LRRC4C: variants seen among roughly 807,000 people sequenced by gnomAD.
The protein encoded by LRRC4C is leucine rich repeat containing 4C.
LRRC4C carries 5 observed loss-of-function variants against 33.6 expected under a neutral mutation model. The ratio of observed to expected loss-of-function variants is 0.15; its 90% CI spans 0.08 to 0.31. LRRC4C has a LOEUF of 0.31. Ranked by LOEUF, LRRC4C falls within the 10% of genes least tolerant of loss-of-function variation. The pLI, the probability that LRRC4C is intolerant of heterozygous loss-of-function variation, is 1.00. For missense variants in LRRC4C, 560 were observed against 796.7 expected, an observed-to-expected ratio of 0.70 and a Z score of 3.58; for synonymous variants, 329 against 302.0, an observed-to-expected ratio of 1.09 and a Z score of -0.93.
At chr11:40,936,253 T>C (rs1957892219) in intron 1 of LRRC4C, among the ~76,000 whole-genome samples, 1 of 149,900 alleles carries the variant, frequency 6.7e-6, no homozygotes, top group African/African-American at 2.4e-5. Context: ...AGATAATTTA[T>C]GTTCACCTGA....
intron 1 of LRRC4C, among the ~76,000 whole-genome samples, chr11:41,448,714 A>G (rs1001887409): frequency 3.3e-5 from 5 of 152,138 alleles, no homozygotes; most frequent in Non-Finnish European, 1.5e-5. Flanking sequence ...GACTTAGAAG[A>G]CAACATTTCA....
At chr11:40,605,762 G>A (rs1960514541) in intron 3 of LRRC4C, among the ~76,000 whole-genome samples, 1 of 152,182 alleles carries the variant, frequency 6.6e-6, no homozygotes, top group South Asian at 2.1e-4. Context: ...AAAAGCAATA[G>A]TTTGAACTAA....
chr11:40,300,427 T>C (rs1590240284), intron 4 of LRRC4C, among the ~76,000 whole-genome samples: 2 of 152,164 alleles, frequency 1.3e-5, no homozygotes, highest in African/African-American at 4.8e-5. Context: ...GAAAAAATAA[T>C]TTGTTACCCA....
intron 4 of LRRC4C, among the ~76,000 whole-genome samples, chr11:40,248,536 T>C (rs1311740792): frequency 6.6e-6 from 1 of 151,948 alleles, no homozygotes; most frequent in African/African-American, 2.4e-5. Context: ...TTTGAGATCA[T>C]CCCGGGTAAC....
intron 2 of LRRC4C, among the ~76,000 whole-genome samples, chr11:40,750,149 G>A (rs892814383): frequency 1.3e-5 from 2 of 152,036 alleles, no homozygotes; most frequent in African/African-American, 4.8e-5. Context: ...TTGAACCCAG[G>A]AGGTGGAGAT....
At chr11:40,453,318 T>A (rs1293506440) in intron 3 of LRRC4C, among the ~76,000 whole-genome samples, 1 of 151,532 alleles carries the variant, frequency 6.6e-6, no homozygotes, top group African/African-American at 2.4e-5. Flanking sequence ...TTTGAGAAAA[T>A]AAAAAAGTAG....
intron 1 of LRRC4C, among the ~76,000 whole-genome samples, chr11:41,017,605 T>C (rs1380858600): frequency 1.3e-5 from 2 of 152,128 alleles, no homozygotes; most frequent in South Asian, 2.1e-4. Context: ...CTCATGGTTC[T>C]TACACTCTGT....
intron 3 of LRRC4C, among the ~76,000 whole-genome samples, chr11:40,556,015 T>G (rs1278094898): frequency 6.6e-6 from 1 of 152,162 alleles, no homozygotes; most frequent in African/African-American, 2.4e-5. Context: ...AAAATGAAAC[T>G]ATAGCCTCTT....
Position 41,423,554 on chromosome 11 carries a change from T to G in LRRC4C, c.-496+35877A>C, listed in dbSNP as rs1189558590. Among the ~76,000 whole-genome samples, 5 of 152,206 alleles carry G rather than the reference T, an allele frequency of 3.3e-5. No homozygotes were observed. In the East Asian group the frequency reaches 9.7e-4, roughly 29 times the overall value. ...TATAGAAGTGACATAAAAATAATGATGTCTGAGAAAGATTATTCTGGAGAC... is the reference window on the plus strand; with the variant it reads ...TATAGAAGTGACATAAAAATAATGAGGTCTGAGAAAGATTATTCTGGAGAC... On this transcript the variant is annotated intron_variant, in intron 1 of 6. Transcript: ENST00000528697.
intron 1 of LRRC4C, among the ~76,000 whole-genome samples, chr11:41,089,513 G>T (rs1005634358): frequency 6.6e-6 from 1 of 151,908 alleles, no homozygotes; most frequent in Non-Finnish European, 1.5e-5. Flanking sequence ...TAATGTAAAG[G>T]CCAGTTTTCA....
intron 5 of LRRC4C, among the ~76,000 whole-genome samples, chr11:40,177,405 G>A (rs1275498987): frequency 6.6e-6 from 1 of 152,112 alleles, no homozygotes; most frequent in African/African-American, 2.4e-5. Flanking sequence ...GGCCTGAAGA[G>A]CTTATATCAT....
At chr11:41,432,046 A>T (rs1415243169) in intron 1 of LRRC4C, among the ~76,000 whole-genome samples, 1 of 152,164 alleles carries the variant, frequency 6.6e-6, no homozygotes, top group Non-Finnish European at 1.5e-5. Context: ...GAGAAAAGTT[A>T]GGTTGAAGTG....
chr11:41,095,314 C>T (rs1940740029), intron 1 of LRRC4C, among the ~76,000 whole-genome samples: 1 of 152,174 alleles, frequency 6.6e-6, no homozygotes. Flanking sequence ...ATCCAATCAC[C>T]TCCCACCAAG....
intron 1 of LRRC4C, among the ~76,000 whole-genome samples, chr11:41,247,550 G>A (rs1418374117): frequency 6.6e-6 from 1 of 152,158 alleles, no homozygotes; most frequent in Non-Finnish European, 1.5e-5. Flanking sequence ...AGACTGCTGT[G>A]GCTGTTAGTA....
At chr11:40,283,424 T>C (rs1428156542) in intron 4 of LRRC4C, among the ~76,000 whole-genome samples, 1 of 149,060 alleles carries the variant, frequency 6.7e-6, no homozygotes, top group Non-Finnish European at 1.5e-5. Context: ...TTAGTAAAAG[T>C]AAAAAAAAAA....
intron 1 of LRRC4C, among the ~76,000 whole-genome samples, chr11:41,206,949 G>GTA (rs1848814066): frequency 6.6e-6 from 1 of 152,012 alleles, no homozygotes. Context: ...TACATTATAA[G>GTA]TATATATGAT....
intron 1 of LRRC4C, among the ~76,000 whole-genome samples, chr11:41,298,568 A>G (rs1368516900): frequency 6.6e-6 from 1 of 152,194 alleles, no homozygotes; most frequent in Non-Finnish European, 1.5e-5. Context: ...CGTAGGGCCT[A>G]TGAGTAATAA....
chr11:41,385,449 T>C (rs1953323369), intron 1 of LRRC4C, among the ~76,000 whole-genome samples: 1 of 151,468 alleles, frequency 6.6e-6, no homozygotes. Flanking sequence ...ACTATACAAT[T>C]ATGTTAATAG....
chr11:40,944,223 TA>T (rs1426410272), intron 1 of LRRC4C, among the ~76,000 whole-genome samples: 2 of 152,138 alleles, frequency 1.3e-5, no homozygotes, highest in African/African-American at 4.8e-5. Context: ...ATATTTGCAT[TA>T]AAAAAACCCA....
Sources: allele counts gnomAD v4.1 joint callset (sites outside exome capture counted in the v4.1 genomes callset), GRCh38; gene constraint gnomAD v4.1.1; transcripts MANE v1.5; gene names NCBI Gene and HGNC (gene_info 2026-07-23, HGNC 2026-07-21).